The following CPED1 variants were observed in gnomAD, a reference collection of about 807,000 sequenced individuals.
The protein encoded by CPED1 is cadherin like and PC-esterase domain containing 1.
CPED1 carries 114 observed loss-of-function variants against 128.2 expected under a neutral mutation model. That is an observed-to-expected ratio of 0.89 (90% CI 0.76 to 1.04). The LOEUF (loss-of-function observed/expected upper bound fraction) is 1.04. CPED1 is among the 50% of genes least tolerant of loss of function. CPED1 has a pLI of 0.00. For missense variants in CPED1, 1,211 were observed against 1,207.1 expected, an observed-to-expected ratio of 1.00 and a Z score of -0.05; for synonymous variants, 462 against 426.7, an observed-to-expected ratio of 1.08 and a Z score of -1.02.
chr7:121,013,373 C>T (rs1792212287), intron 2 of CPED1, among the ~76,000 whole-genome samples: 1 of 152,166 alleles, frequency 6.6e-6, no homozygotes, highest in Non-Finnish European at 1.5e-5. Flanking sequence ...CAATCTTGTT[C>T]TCCCAAAGTA....
intron 13 of CPED1, among the ~76,000 whole-genome samples, chr7:121,134,750 T>C (rs1045084791): frequency 8.6e-5 from 13 of 152,016 alleles, no homozygotes. Flanking sequence ...ATAGTAAAGT[T>C]GGAGAGAGTG....
At chr7:121,220,152 A>G (rs975997024) in intron 16 of CPED1, among the ~76,000 whole-genome samples, 1 of 152,084 alleles carries the variant, frequency 6.6e-6, no homozygotes, top group African/African-American at 2.4e-5. Context: ...TAATTTTTAT[A>G]CATAACAAAG....
intron 3 of CPED1, among the ~76,000 whole-genome samples, chr7:121,024,487 C>T (rs930047441): frequency 6.6e-6 from 1 of 152,132 alleles, no homozygotes; most frequent in African/African-American, 2.4e-5. Flanking sequence ...TAGCTTCCTT[C>T]TAATTGTTTG....
At chr7:121,083,116 C>T (rs1254699703) in intron 5 of CPED1, among the ~76,000 whole-genome samples, 3 of 152,156 alleles carry the variant, frequency 2.0e-5, no homozygotes, top group Admixed American at 6.5e-5. Context: ...CACTGGCACT[C>T]TCCTCCTTGA....
intron 16 of CPED1, among the ~76,000 whole-genome samples, chr7:121,227,338 T>C (rs1414512005): frequency 2.0e-5 from 3 of 152,096 alleles, no homozygotes; most frequent in Admixed American, 2.0e-4. Context: ...TATCACATGC[T>C]GAGGACTCTG....
intron 22 of CPED1, among the ~76,000 whole-genome samples, chr7:121,294,131 A>C (rs966219315): frequency 6.6e-6 from 1 of 152,092 alleles, no homozygotes; most frequent in Non-Finnish European, 1.5e-5. Flanking sequence ...CTCAGTAATT[A>C]AAGCTGATAA....
intron 21 of CPED1, among the ~76,000 whole-genome samples, chr7:121,269,224 C>T (rs993880617): frequency 3.9e-5 from 6 of 152,046 alleles, no homozygotes; most frequent in African/African-American, 1.4e-4. Context: ...ATTCAATATT[C>T]AGCTCCCACT....
At chr7:121,276,997 G>A (rs1335734809) in intron 22 of CPED1, among the ~76,000 whole-genome samples, 6 of 152,118 alleles carry the variant, frequency 3.9e-5, no homozygotes, top group Admixed American at 3.9e-4. Flanking sequence ...ACAAGTTAGA[G>A]AAGTTAGGAG....
At chr7:121,236,496 C>A (rs1798257997) in intron 16 of CPED1, among the ~76,000 whole-genome samples, 1 of 151,944 alleles carries the variant, frequency 6.6e-6, no homozygotes, top group Non-Finnish European at 1.5e-5. Flanking sequence ...TTTTAATTGG[C>A]AGAACAATGA....
chr7:121,220,516 A>G (rs1017730249), intron 16 of CPED1, among the ~76,000 whole-genome samples: 6 of 152,062 alleles, frequency 3.9e-5, no homozygotes, highest in African/African-American at 1.4e-4. Flanking sequence ...TCTGGCCTCC[A>G]GAACTGAAAG....
Position 120,996,741 on chromosome 7 carries a change from C to T in CPED1, c.249+6871C>T, listed in dbSNP as rs116222378. ...ATTCAGATAAGAGTTCATCAGATTC[C>T]AAAATCTTAGCATCTATCTTCACAA... On this transcript the variant is annotated intron_variant, in intron 2 of 22. Coordinates refer to ENST00000310396, the MANE Select transcript of CPED1 (RefSeq NM_024913.5). Among the ~76,000 whole-genome samples, 614 of 152,242 alleles carry T rather than the reference C, an allele frequency of 4.0e-3. 4 individuals carry two copies. The highest frequency in any genetic ancestry group is 0.013 in the African/African-American group (526 of 41,542).
intron 18 of CPED1, among the ~76,000 whole-genome samples, chr7:121,257,289 C>T (rs1017851154): frequency 3.3e-5 from 5 of 151,962 alleles, no homozygotes; most frequent in African/African-American, 1.2e-4. Flanking sequence ...AGCATGTGGC[C>T]CTGCAAGACC....
intron 3 of CPED1, among the ~76,000 whole-genome samples, chr7:121,034,214 G>A (rs1225399201): frequency 6.6e-6 from 1 of 150,528 alleles, no homozygotes; most frequent in East Asian, 1.9e-4. Context: ...TATAAGGAGG[G>A]CATTATTATA....
intron 21 of CPED1, among the ~76,000 whole-genome samples, chr7:121,270,605 G>A (rs1792211070): frequency 6.6e-6 from 1 of 151,994 alleles, no homozygotes; most frequent in African/African-American, 2.4e-5. Context: ...TGAATATAGA[G>A]AGCCAGTTAT....
At chr7:121,284,702 G>A (rs1023509690) in intron 22 of CPED1, among the ~76,000 whole-genome samples, 1 of 152,194 alleles carries the variant, frequency 6.6e-6, no homozygotes, top group Non-Finnish European at 1.5e-5. Context: ...TTTGACACTA[G>A]GTCTCACATC....
chr7:121,157,641 A>G (rs947331459), intron 16 of CPED1, among the ~76,000 whole-genome samples: 15 of 152,152 alleles, frequency 9.9e-5, no homozygotes, highest in African/African-American at 3.1e-4. Flanking sequence ...AAAGTCCACC[A>G]TCAATAATTG....
intron 2 of CPED1, among the ~76,000 whole-genome samples, chr7:121,008,197 T>C (rs1294977133): frequency 6.6e-6 from 1 of 152,162 alleles, no homozygotes; most frequent in Non-Finnish European, 1.5e-5. Context: ...CTTCCTGACA[T>C]GGCTTTAGTA....
chr7:121,035,181 T>C (rs1180395927), intron 3 of CPED1, among the ~76,000 whole-genome samples: 1 of 152,124 alleles, frequency 6.6e-6, no homozygotes, highest in Non-Finnish European at 1.5e-5. Flanking sequence ...ACTAGAAGAC[T>C]GGGTTGGAGT....
At chr7:121,149,160 A>G (rs1796094417) in intron 16 of CPED1, among the ~76,000 whole-genome samples, 1 of 152,172 alleles carries the variant, frequency 6.6e-6, no homozygotes, top group South Asian at 2.1e-4. Flanking sequence ...GCCGTCCTTT[A>G]CCATCATTTA....
Sources: allele counts gnomAD v4.1 joint callset (sites outside exome capture counted in the v4.1 genomes callset), GRCh38; gene constraint gnomAD v4.1.1; transcripts MANE v1.5; gene names NCBI Gene and HGNC (gene_info 2026-07-23, HGNC 2026-07-21).